CDK5RAP2: variants seen among roughly 807,000 people sequenced by gnomAD.
CDK5RAP2 encodes CDK5 regulatory subunit associated protein 2, also known as CDK5 regulatory subunit-associated protein 2.
In CDK5RAP2, 147 loss-of-function variants were observed where a neutral mutation model predicts 232.9. The observed-to-expected ratio is 0.63, with a 90% CI of 0.55 to 0.72. CDK5RAP2 has a LOEUF of 0.72. CDK5RAP2 is among the 30% of genes least tolerant of loss of function. CDK5RAP2 has a pLI of 0.00. For missense variants in CDK5RAP2, 2,195 were observed against 2,231.5 expected, an observed-to-expected ratio of 0.98 and a Z score of 0.33; for synonymous variants, 833 against 833.7, an observed-to-expected ratio of 1.00 and a Z score of 0.01.
chr9:120,565,395 C>A (rs1238337801), intron 3 of CDK5RAP2, among the ~76,000 whole-genome samples: 1 of 152,190 alleles, frequency 6.6e-6, no homozygotes, highest in Non-Finnish European at 1.5e-5. Context: ...AAACTCTTCT[C>A]CTCATAGTCA....
chr9:120,491,484 G>T lies in CDK5RAP2; in HGVS notation c.1312-7C>A. On this transcript the variant is annotated splice_region_variant and splice_polypyrimidine_tract_variant and intron_variant, in intron 12 of 37. Coordinates refer to ENST00000349780, the MANE Select transcript of CDK5RAP2 (RefSeq NM_018249.6). ...CAACTTCATTTCTAAGATCCTACCAGAAGAAAATGAAAAAATGGAATTTAC... is the reference window on the plus strand; with the variant it reads ...CAACTTCATTTCTAAGATCCTACCATAAGAAAATGAAAAAATGGAATTTAC... 1 of 1,600,654 alleles carries T rather than the reference G, an allele frequency of 6.2e-7. No homozygotes were observed. Among genetic ancestry groups the T allele is most frequent in the Non-Finnish European group, 8.5e-7 (1 of 1,171,752 alleles).
At chr9:120,515,938 C>T (rs922738498) in intron 12 of CDK5RAP2, among the ~76,000 whole-genome samples, 111 of 152,288 alleles carry the variant, frequency 7.3e-4, no homozygotes, top group African/African-American at 2.3e-3. Flanking sequence ...CTAGTTCAAC[C>T]ATTGTGGCAG....
At position 120,534,839 on chromosome 9, in the gene CDK5RAP2, C is replaced by G. The variant is rs375876603; in HGVS notation, c.662+1533G>C. 4.6e-5 allele frequency among the ~76,000 whole-genome samples: 7 copies of G among 152,310 alleles called. No individual in the cohort carries two copies. The East Asian group carries it at 1.4e-3, about 29-fold the overall frequency. On this transcript the variant is annotated intron_variant, in intron 7 of 37. Transcript: ENST00000349780. Reference sequence around the variant, plus strand: ...AACTGCTCCAGACCTGTAGCTCCCCCAGGAAGACAAGCCCATAAGCCTTCT... The same window carrying G: ...AACTGCTCCAGACCTGTAGCTCCCCGAGGAAGACAAGCCCATAAGCCTTCT...
chr9:120,543,469 T>C (rs960253440), intron 5 of CDK5RAP2, among the ~76,000 whole-genome samples: 2 of 152,174 alleles, frequency 1.3e-5, no homozygotes, highest in African/African-American at 4.8e-5. Flanking sequence ...TCTCTACCCA[T>C]TCAACTGGTT....
intron 1 of CDK5RAP2, among the ~76,000 whole-genome samples, chr9:120,574,407 G>C (rs1338131574): frequency 6.6e-6 from 1 of 152,106 alleles, no homozygotes; most frequent in African/African-American, 2.4e-5. Context: ...AAAACAAAAG[G>C]GCTCAGATAT....
intron 25 of CDK5RAP2, among the ~76,000 whole-genome samples, chr9:120,425,613 A>G (rs1407339010): frequency 1.3e-5 from 2 of 152,214 alleles, no homozygotes; most frequent in African/African-American, 4.8e-5. Flanking sequence ...TCCTCTCTGC[A>G]CTGATCCATT....
At chr9:120,521,743 TCACA>T (rs2040672790) in intron 11 of CDK5RAP2, among the ~76,000 whole-genome samples, 1 of 151,508 alleles carries the variant, frequency 6.6e-6, no homozygotes, top group South Asian at 2.1e-4. Context: ...CCTCCCGGGT[TCACA>T]CCATTCTCCT....
At chr9:120,477,820 A>G (rs1474564265) in intron 14 of CDK5RAP2, among the ~76,000 whole-genome samples, 1 of 152,206 alleles carries the variant, frequency 6.6e-6, no homozygotes, top group African/African-American at 2.4e-5. Flanking sequence ...GTTGCTCCAA[A>G]GAAGAGAAAT....
intron 1 of CDK5RAP2, among the ~76,000 whole-genome samples, chr9:120,574,748 A>C (rs1564395035): frequency 6.6e-6 from 1 of 151,768 alleles, no homozygotes; most frequent in Non-Finnish European, 1.5e-5. Context: ...TTCTAAACTG[A>C]ATGTTTGAAA....
intron 28 of CDK5RAP2, among the ~76,000 whole-genome samples, chr9:120,414,340 C>T (rs570445652): frequency 5.3e-5 from 8 of 152,264 alleles, no homozygotes; most frequent in East Asian, 1.9e-4. Flanking sequence ...TTTCTGAGTG[C>T]GCCAAGCTGC....
chr9:120,402,841 C>A lies in CDK5RAP2; in HGVS notation c.5272G>T (p.Ala1758Ser). The A allele has an allele frequency of 6.2e-7, 1 of 1,614,144 alleles. No homozygotes were observed. ...AGCTCTTGACTTGTGGAGCTGGGAG[C>A]CTCTTGGGTTTGAATGTCCATTTCA... Reference protein sequence around the residue: ...LAEMDIQTQEAPSSTSQELGT... With the variant: ...LAEMDIQTQESPSSTSQELGT... Residue 1758 changes from alanine (A) to serine (S), a missense_variant, in exon 34 of 38, where the codon GCT becomes TCT. Coordinates refer to ENST00000349780, the MANE Select transcript of CDK5RAP2 (RefSeq NM_018249.6).
chr9:120,458,417 A>C, intron 20 of CDK5RAP2, 33 bp downstream of exon 20: 1 of 1,608,406 alleles, frequency 6.2e-7, no homozygotes, highest in Non-Finnish European at 8.5e-7. Flanking sequence ...CTAGAACTAG[A>C]GAAACAAAGG....
At chr9:120,438,339 C>G (rs1245600625) in intron 24 of CDK5RAP2, among the ~76,000 whole-genome samples, 1 of 152,204 alleles carries the variant, frequency 6.6e-6, no homozygotes, top group Non-Finnish European at 1.5e-5. Context: ...TAATTTTCTC[C>G]TTCCTGGAAA....
In CDK5RAP2 at chr9:120,491,487, G is replaced by C; in HGVS notation, c.1312-10C>G. 1.3e-6 allele frequency: 2 copies of C among 1,598,380 alleles called. No individual in the cohort carries two copies. Among genetic ancestry groups the C allele is most frequent in the Non-Finnish European group, 1.7e-6 (2 of 1,170,424 alleles). On this transcript the variant is annotated splice_polypyrimidine_tract_variant and intron_variant, in intron 12 of 37. Transcript: ENST00000349780. Reference sequence around the variant, plus strand: ...CTTCATTTCTAAGATCCTACCAGAAGAAAATGAAAAAATGGAATTTACTTG... The same window carrying C: ...CTTCATTTCTAAGATCCTACCAGAACAAAATGAAAAAATGGAATTTACTTG...
chr9:120,568,450 G>C (rs1489225524), intron 2 of CDK5RAP2, 62 bp from the exon 3 acceptor site: 1 of 1,154,862 alleles, frequency 8.7e-7, no homozygotes, highest in Non-Finnish European at 1.3e-6. Flanking sequence ...GTTCCTATTG[G>C]GGAATAGAGC....
At position 120,409,171 on chromosome 9, in the gene CDK5RAP2, C is replaced by T. The variant is rs1196745663; in HGVS notation, c.4560G>A (p.Gln1520=). The T allele has an allele frequency of 1.9e-6, 3 of 1,613,380 alleles. No homozygotes were observed. Among genetic ancestry groups the T allele is most frequent in the Admixed American group, 1.7e-5 (1 of 60,032 alleles). ...KEGSEKERHN[Q]QLIQEVRCSG... ...TGCAGCGGACCTCCTGGATCAGCTG[C>T]TGGTTGTGTCTCTCCTTCTCGCTGC... Residue 1520 remains glutamine (Q), a synonymous_variant, in exon 30 of 38, where the codon CAG becomes CAA. Coordinates refer to ENST00000349780, the MANE Select transcript of CDK5RAP2 (RefSeq NM_018249.6).
intron 13 of CDK5RAP2, among the ~76,000 whole-genome samples, chr9:120,488,935 T>C (rs2038750035): frequency 6.6e-6 from 1 of 152,232 alleles, no homozygotes; most frequent in Non-Finnish European, 1.5e-5. Flanking sequence ...AATTCCCTAC[T>C]TTGTGGAACC....
At chr9:120,481,753 T>C (rs776061025) in intron 14 of CDK5RAP2, among the ~76,000 whole-genome samples, 12 of 152,138 alleles carry the variant, frequency 7.9e-5, no homozygotes, top group Non-Finnish European at 1.6e-4. Flanking sequence ...GCTCAGGCAA[T>C]CCGCCCACCT....
rs896470907 is a variant in CDK5RAP2 at position 120,415,104 on chromosome 9, T to G, written c.4233A>C (p.Glu1411Asp). ...EIRTLRKRLEESIKTNEKLRK... is the reference protein window; with the variant it reads ...EIRTLRKRLEDSIKTNEKLRK... The stretch of plus-strand genomic sequence containing the variant: ...GTAGCTTCTCATTTGTTTTAATAGA[T>G]TCTTCTAAACGCTTTCTCAAAGTTC... Residue 1411 changes from glutamate to aspartate, a missense_variant, in exon 28 of 38, where the codon GAA (glutamate) becomes GAC (aspartate). Transcript: ENST00000349780. 2.5e-6 allele frequency: 4 copies of G among 1,614,160 alleles called. No individual in the cohort carries two copies. Among genetic ancestry groups the G allele is most frequent in the South Asian group, 1.1e-5 (1 of 91,086 alleles).
Sources: gnomAD v4.1 joint callset for allele counts (sites outside exome capture counted in the v4.1 genomes callset) on GRCh38, gnomAD v4.1.1 for gene constraint, MANE v1.5 for transcripts, NCBI Gene and HGNC (gene_info 2026-07-23, HGNC 2026-07-21) for gene names.